The following OR2L3 variants were observed in gnomAD, a reference collection of about 807,000 sequenced individuals.
The protein encoded by OR2L3 is olfactory receptor 2L3.
For synonymous variants in OR2L3, 131 were observed against 139.1 expected (o/e 0.94, Z 0.41); for missense variants, 369 against 376.6 (o/e 0.98, Z 0.17).
chr1:248,057,958 A>T (rs932955430), intron 1 of OR2L3, among the ~76,000 whole-genome samples: 1 of 152,112 alleles, frequency 6.6e-6, no homozygotes, highest in African/African-American at 2.4e-5. Context: ...GATAATTTTT[A>T]TTTCTTTTCT....
At chr1:248,047,506 T>A (rs1394861340) in intron 1 of OR2L3, among the ~76,000 whole-genome samples, 1 of 152,194 alleles carries the variant, frequency 6.6e-6, no homozygotes, top group Non-Finnish European at 1.5e-5. Context: ...CTTCTGGAAA[T>A]CAATAATGAA....
chr1:248,050,138 G>A (rs1176335164), intron 1 of OR2L3, among the ~76,000 whole-genome samples: 4 of 152,032 alleles, frequency 2.6e-5, no homozygotes, highest in Admixed American at 1.3e-4. Context: ...CACATGAGAC[G>A]TAGTTCAGGT....
intron 1 of OR2L3, among the ~76,000 whole-genome samples, chr1:248,048,987 A>G (rs1419968652): frequency 6.7e-6 from 1 of 148,326 alleles, no homozygotes; most frequent in Non-Finnish European, 1.5e-5. Flanking sequence ...TACCAACTTT[A>G]AGGAGACCAG....
rs1299670644 is a variant in OR2L3, at chr1:248,062,846, C to A, written c.*1226C>A. The A allele has an allele frequency of 6.6e-6, 1 of 152,082 alleles. No individual in the cohort carries two copies. The highest frequency in any genetic ancestry group is 1.5e-5 in the Non-Finnish European group (1 of 68,006). 9.4% of individuals were successfully genotyped at this position (152,082 alleles called of 1,614,324 possible). A position where few individuals can be genotyped will look rare whatever the true frequency, so the allele number is the denominator to read the frequency against. On this transcript the variant is annotated 3_prime_UTR_variant, in exon 2 of 2. Transcript: ENST00000359959. ...CCTTTATCAAAGCATCACATACACT[C>A]CGCAATTATATATTACTATTATGTA...
chr1:248,048,589 C>T (rs1488712876), intron 1 of OR2L3, among the ~76,000 whole-genome samples: 2 of 152,134 alleles, frequency 1.3e-5, no homozygotes, highest in Non-Finnish European at 2.9e-5. Flanking sequence ...GATTCAGGTA[C>T]AGACAGCTTG....
intron 1 of OR2L3, among the ~76,000 whole-genome samples, chr1:248,052,375 T>C (rs1270677079): frequency 1.3e-5 from 2 of 152,206 alleles, no homozygotes; most frequent in Non-Finnish European, 1.5e-5. Flanking sequence ...TGTTGAGCTA[T>C]ATGTCTGGTG....
rs768608148 is a variant in OR2L3 at position 248,061,054 on chromosome 1, A to G, written c.373A>G (p.Ile125Val). ...ASMAYDRYIAICFPLHYPIRM... is the reference protein window; with the variant it reads ...ASMAYDRYIAVCFPLHYPIRM... ...TATGGCCTATGATCGTTACATTGCT[A>G]TTTGCTTTCCTCTTCACTATCCCAT... The change falls in exon 2 of 2, where the codon ATT becomes GTT. Residue 125 changes from isoleucine (I) to valine (V), a missense_variant. Physicochemically the swap from Ile to Val is conservative, Grantham distance 29. Coordinates refer to ENST00000359959, the MANE Select transcript of OR2L3 (RefSeq NM_001004687.2). The G allele has an allele frequency of 2.5e-6, 4 of 1,613,986 alleles. No homozygotes were observed. The highest frequency in any genetic ancestry group is 1.1e-5 in the South Asian group (1 of 91,084).
At chr1:248,060,219 A>G (rs1663578780) in intron 1 of OR2L3, among the ~76,000 whole-genome samples, 1 of 152,180 alleles carries the variant, frequency 6.6e-6, no homozygotes, top group African/African-American at 2.4e-5. Context: ...ACATTATTCT[A>G]TTGAAGTTGT....
intron 1 of OR2L3, among the ~76,000 whole-genome samples, chr1:248,049,934 G>A (rs1383975192): frequency 1.3e-5 from 2 of 152,112 alleles, no homozygotes; most frequent in Non-Finnish European, 2.9e-5. Context: ...ATATGTATGT[G>A]TGTTTGTGGA....
In OR2L3 at chr1:248,061,619, A is replaced by G. The variant is rs1429370360; in HGVS notation, c.938A>G (p.Ter313TrpextTer28). ...CAGAGAATCTGCTCTGGGAAAATGT[A>G]GAAACATTTTCTACCTAAGGTCTCA... ...VSQRICSGKM[*>W] Residue 313 changes from the stop codon to tryptophan (W), a stop_lost, in exon 2 of 2, where the codon TAG (stop) becomes TGG (tryptophan). Transcript: ENST00000359959. The G allele has an allele frequency of 6.2e-6, 10 of 1,609,464 alleles. No homozygotes were observed. In the East Asian group the frequency reaches 8.9e-5, roughly 14 times the overall value.
intron 1 of OR2L3, among the ~76,000 whole-genome samples, chr1:248,059,449 G>C (rs1183165141): frequency 6.6e-6 from 1 of 152,150 alleles, no homozygotes; most frequent in Non-Finnish European, 1.5e-5. Flanking sequence ...CTAAGCACTA[G>C]AGAAGGAAAA....
At position 248,051,873 on chromosome 1, in the gene OR2L3, G is replaced by A. The variant is rs145279065; in HGVS notation, c.-22+4993G>A. On this transcript the variant is annotated intron_variant, in intron 1 of 1. Coordinates refer to ENST00000359959, the MANE Select transcript of OR2L3 (RefSeq NM_001004687.2). The stretch of plus-strand genomic sequence containing the variant: ...TTTTGGAGGAATTACAATGCAGATG[G>A]TTCCAGGTTTACAATAATTTGATGA... 4.9e-3 allele frequency among the ~76,000 whole-genome samples: 750 copies of A among 152,122 alleles called. 5 individuals carry two copies. Among genetic ancestry groups the A allele is most frequent in the African/African-American group, 0.016 (676 of 41,490 alleles).
At chr1:248,053,289 A>AT (rs1468460765) in intron 1 of OR2L3, among the ~76,000 whole-genome samples, 1 of 152,144 alleles carries the variant, frequency 6.6e-6, no homozygotes, top group East Asian at 1.9e-4. Context: ...TGATCTTATT[A>AT]TTTTTTATGG....
At chr1:248,051,488 A>G (rs1572699263) in intron 1 of OR2L3, among the ~76,000 whole-genome samples, 1 of 152,220 alleles carries the variant, frequency 6.6e-6, no homozygotes, top group African/African-American at 2.4e-5. Context: ...CAAAAACAGA[A>G]TAACAAATAC....
chr1:248,057,234 G>T (rs747258137), intron 1 of OR2L3, among the ~76,000 whole-genome samples: 11 of 152,094 alleles, frequency 7.2e-5, no homozygotes, highest in Non-Finnish European at 1.2e-4. Context: ...TGACGGTGGG[G>T]TATTAAAGTC....
At position 248,061,700 on chromosome 1, in the gene OR2L3, C is replaced by T. The variant is rs988983181; in HGVS notation, c.*80C>T. 2 of 1,290,720 alleles carry T rather than the reference C, an allele frequency of 1.5e-6. No homozygotes were observed. The highest frequency in any genetic ancestry group is 2.1e-6 in the Non-Finnish European group (2 of 961,412). The allele number at this position is 1,290,720 out of a possible 1,614,324, so 80.0% of individuals were successfully genotyped here. A position where few individuals can be genotyped will look rare whatever the true frequency, so the allele number is the denominator to read the frequency against. ...ATAGTAATTAAAATATTATTTCAATCCTAGAGTTCAGGAGCTAAAAGTAAT... is the reference window on the plus strand; with the variant it reads ...ATAGTAATTAAAATATTATTTCAATTCTAGAGTTCAGGAGCTAAAAGTAAT... On this transcript the variant is annotated 3_prime_UTR_variant, in exon 2 of 2. Coordinates refer to ENST00000359959, the MANE Select transcript of OR2L3 (RefSeq NM_001004687.2).
chr1:248,055,963 A>G (rs181088892), intron 1 of OR2L3: 1 of 152,214 alleles, frequency 6.6e-6, no homozygotes, highest in African/African-American at 2.4e-5. Flanking sequence ...TTATTGGTCT[A>G]TTTAGGGATT....
At position 248,063,054 on chromosome 1, in the gene OR2L3, T is replaced by C. The variant is rs1341631385; in HGVS notation, c.*1434T>C. 2 of 152,250 alleles carry C rather than the reference T, an allele frequency of 1.3e-5. No individual in the cohort carries two copies. Among genetic ancestry groups the C allele is most frequent in the Admixed American group, 1.3e-4 (2 of 15,282 alleles). 9.4% of individuals were successfully genotyped at this position (152,250 alleles called of 1,614,324 possible). A position where few individuals can be genotyped will look rare whatever the true frequency, so the allele number is the denominator to read the frequency against. ...TCATGCCTCCAGTTTTTTCTTTTTA[T>C]TCTACAGTGCTTTGACTATTTGGGT... On this transcript the variant is annotated 3_prime_UTR_variant, in exon 2 of 2. Coordinates refer to ENST00000359959, the MANE Select transcript of OR2L3 (RefSeq NM_001004687.2).
chr1:248,059,780 C>G (rs1193372848), intron 1 of OR2L3, among the ~76,000 whole-genome samples: 1 of 152,162 alleles, frequency 6.6e-6, no homozygotes, highest in Non-Finnish European at 1.5e-5. Context: ...TGGGGAAGCT[C>G]ATGACTGCAC....
Sources: allele counts gnomAD v4.1 joint callset (sites outside exome capture counted in the v4.1 genomes callset), GRCh38; gene constraint gnomAD v4.1.1; transcripts MANE v1.5; gene names NCBI Gene and HGNC (gene_info 2026-07-23, HGNC 2026-07-21).